The following DNAH14 variants were observed in gnomAD, a reference collection of about 807,000 sequenced individuals.
DNAH14 encodes the protein dynein axonemal heavy chain 14, also known as axonemal beta dynein heavy chain 14.
Under a neutral mutation model 520.9 loss-of-function variants are expected in DNAH14, and 478 were observed. That is an observed-to-expected ratio of 0.92 (90% CI 0.85 to 0.99). The LOEUF is 0.99. Ranked by LOEUF, DNAH14 falls within the 50% of genes least tolerant of loss-of-function variation. The probability of loss-of-function intolerance (pLI) is 0.00; values close to 1 mark genes in which losing one functional copy is unlikely to be tolerated. For synonymous variants in DNAH14, 1,581 were observed against 1,757.2 expected (o/e 0.90, Z 2.51); for missense variants, 4,831 against 5,234.5 (o/e 0.92, Z 2.38).
chr1:224,935,664 A>G (rs1438563976), intron 1 of DNAH14, among the ~76,000 whole-genome samples: 1 of 151,912 alleles, frequency 6.6e-6, no homozygotes, highest in Admixed American at 6.6e-5. Context: ...TTATCTAGAC[A>G]GAAAATCAAA....
chr1:225,004,151 G>T (rs1462387676), intron 9 of DNAH14, among the ~76,000 whole-genome samples: 1 of 152,032 alleles, frequency 6.6e-6, no homozygotes, highest in Non-Finnish European at 1.5e-5. Context: ...CTGTGCAAAA[G>T]AGATGAATAC....
At chr1:225,327,263 T>C (rs1376281347) in intron 64 of DNAH14, among the ~76,000 whole-genome samples, 2 of 152,032 alleles carry the variant, frequency 1.3e-5, no homozygotes, top group Non-Finnish European at 2.9e-5. Context: ...GTTCACGCCA[T>C]TCTCCTGCCT....
intron 55 of DNAH14, among the ~76,000 whole-genome samples, chr1:225,300,162 T>C (rs2094111081): frequency 2.0e-5 from 3 of 152,150 alleles, no homozygotes; most frequent in African/African-American, 4.8e-5. Flanking sequence ...AAATAATCCT[T>C]CAGCAATGTT....
chr1:225,322,499 C>A (rs1386652867), intron 61 of DNAH14, among the ~76,000 whole-genome samples, 165 bp from the exon 62 acceptor site: 1 of 152,086 alleles, frequency 6.6e-6, no homozygotes, highest in African/African-American at 2.4e-5. Context: ...TTAAGATACC[C>A]AATTTTTAAA....
chr1:225,336,425 A>C (rs2095056539), intron 66 of DNAH14, among the ~76,000 whole-genome samples: 1 of 152,142 alleles, frequency 6.6e-6, no homozygotes, highest in African/African-American at 2.4e-5. Flanking sequence ...AACTGTTAAC[A>C]ATTCTAAATT....
intron 79 of DNAH14, among the ~76,000 whole-genome samples, chr1:225,377,742 T>C (rs2095720089): frequency 6.6e-6 from 1 of 152,212 alleles, no homozygotes; most frequent in African/African-American, 2.4e-5. Flanking sequence ...TAAATTCTAC[T>C]TCAATGAGTT....
intron 57 of DNAH14, among the ~76,000 whole-genome samples, chr1:225,303,832 A>G (rs572791623): frequency 6.6e-6 from 1 of 152,320 alleles, no homozygotes; most frequent in South Asian, 2.1e-4. Flanking sequence ...ATCCCATAGG[A>G]CCTAGCTGAC....
Position 225,335,622 on chromosome 1 carries a change from CATAT to C in DNAH14, c.10081-1640_10081-1637del, listed in dbSNP as rs1280695834. Among the ~76,000 whole-genome samples, 15 of 109,650 alleles carry C rather than the reference CATAT, an allele frequency of 1.4e-4. 1 individual carries two copies. Among genetic ancestry groups the C allele is most frequent in the Non-Finnish European group, 2.0e-4 (10 of 50,456 alleles). 71.9% of individuals were successfully genotyped at this position (109,650 alleles called of 152,430 possible). A position where few individuals can be genotyped will look rare whatever the true frequency, so the allele number is the denominator to read the frequency against. ...ACGCATACGTATATGTGTATATACG[CATAT>C]ATACATATGTGCATATATGTATATA... On this transcript the variant is annotated intron_variant, in intron 66 of 85. Coordinates refer to ENST00000682510, the MANE Select transcript of DNAH14 (RefSeq NM_001367479.1).
intron 27 of DNAH14, among the ~76,000 whole-genome samples, chr1:225,132,732 C>CTCATACATT (rs2078554706): frequency 6.6e-6 from 1 of 152,110 alleles, no homozygotes; most frequent in African/African-American, 2.4e-5. Context: ...TGAGTACGTA[C>CTCATACATT]CCAGTAATGG....
At chr1:225,097,598 A>T (rs1040456560) in intron 22 of DNAH14, among the ~76,000 whole-genome samples, 3 of 151,948 alleles carry the variant, frequency 2.0e-5, no homozygotes, top group African/African-American at 7.3e-5. Flanking sequence ...ACATGGTGAA[A>T]CCCTGTCTTT....
chr1:224,962,890 A>G (rs2489350), intron 4 of DNAH14, among the ~76,000 whole-genome samples: 14,571 of 152,178 alleles, frequency 0.096, 2,258 homozygotes, highest in African/African-American at 0.33. Context: ...CTGCCAAATT[A>G]CACTAAAAAA....
chr1:225,075,648 C>A (rs968544578), intron 17 of DNAH14, among the ~76,000 whole-genome samples: 2 of 151,886 alleles, frequency 1.3e-5, no homozygotes, highest in Admixed American at 1.3e-4. Context: ...GTTATTGAGT[C>A]CAGGAGTTCA....
intron 55 of DNAH14, among the ~76,000 whole-genome samples, chr1:225,296,049 A>G (rs1191969098): frequency 1.3e-5 from 2 of 152,104 alleles, no homozygotes; most frequent in Non-Finnish European, 2.9e-5. Context: ...TGATATAAAT[A>G]TAGCTACTCC....
chr1:225,089,500 A>C (rs1572986381), intron 21 of DNAH14, among the ~76,000 whole-genome samples: 2 of 151,246 alleles, frequency 1.3e-5, no homozygotes, highest in East Asian at 3.9e-4. Context: ...GAAAAAAGAA[A>C]ACAGATTTAG....
chr1:225,140,465 T>C (rs2079339884), intron 27 of DNAH14, among the ~76,000 whole-genome samples: 1 of 152,218 alleles, frequency 6.6e-6, no homozygotes. Context: ...ATATATCATC[T>C]TGGAGTTTTC....
intron 69 of DNAH14, among the ~76,000 whole-genome samples, chr1:225,342,129 G>C (rs549017161): frequency 1.3e-5 from 2 of 152,094 alleles, no homozygotes; most frequent in East Asian, 3.8e-4. Flanking sequence ...GGTCTGAAAG[G>C]CAAGTCCATT....
intron 12 of DNAH14, 113 bp downstream of exon 12, chr1:225,038,936 C>A: frequency 1.1e-6 from 1 of 891,294 alleles, no homozygotes; most frequent in Non-Finnish European, 1.6e-6. Flanking sequence ...CCCAACATAC[C>A]CTCGCCAACA....
At chr1:225,054,764 T>C (rs572563530) in intron 17 of DNAH14, among the ~76,000 whole-genome samples, 38 of 152,272 alleles carry the variant, frequency 2.5e-4, no homozygotes, top group Non-Finnish European at 4.6e-4. Flanking sequence ...ATTTGCCTGA[T>C]AAAAACTACT....
chr1:225,399,124 A>C lies in DNAH14; in HGVS notation c.13709A>C (p.Tyr4570Ser), dbSNP rs1481236027. ...CTCTATGCTTTTGAATGCCCAGTTT[A>C]CCAGACACCTGAGAGGTCAAGAATT... The part of the protein sequence containing the change: ...SELYAFECPV[Y>S]QTPERSRILA... The change falls in exon 86 of 86, where the codon TAC becomes TCC. Residue 4570 changes from tyrosine (Y) to serine (S), a missense_variant. Transcript: ENST00000682510. 1 of 1,551,898 alleles carries C rather than the reference A, an allele frequency of 6.4e-7. No individual in the cohort carries two copies. The highest frequency in any genetic ancestry group is 1.2e-5 in the South Asian group (1 of 84,058).
Sources: allele counts gnomAD v4.1 joint callset (sites outside exome capture counted in the v4.1 genomes callset), GRCh38; gene constraint gnomAD v4.1.1; transcripts MANE v1.5; gene names NCBI Gene and HGNC (gene_info 2026-07-23, HGNC 2026-07-21).